LRRC8C: variants seen among roughly 807,000 people sequenced by gnomAD.
The protein encoded by LRRC8C is volume-regulated anion channel subunit LRRC8C.
Under a neutral mutation model 55.3 loss-of-function variants are expected in LRRC8C, and 20 were observed. The observed-to-expected ratio is 0.36, with a 90% CI of 0.25 to 0.53. LRRC8C has a LOEUF of 0.53. Among genes scored for constraint, LRRC8C ranks in the 20% least tolerant of loss-of-function variants. LRRC8C has a pLI of 0.92. For missense variants in LRRC8C, 659 were observed against 951.4 expected (o/e 0.69, Z 4.04); for synonymous variants, 376 against 360.7 (o/e 1.04, Z -0.48).
At chr1:89,623,924 T>C in the LRRC8C span, among the ~76,000 whole-genome samples, 1 of 152,192 alleles carries the variant, frequency 6.6e-6, no homozygotes, top group African/African-American at 2.4e-5. Context: ...GAAACTAAAA[T>C]ACTAGCCTGC....
chr1:89,709,610 A>C (rs775730847), intron 2 of LRRC8C, among the ~76,000 whole-genome samples: 1 of 152,080 alleles, frequency 6.6e-6, no homozygotes, highest in African/African-American at 2.4e-5. Context: ...GGGGTACAGA[A>C]ATGGGGCCCA....
chr1:89,712,156 A>G (rs1389213065), intron 2 of LRRC8C, among the ~76,000 whole-genome samples: 1 of 152,132 alleles, frequency 6.6e-6, no homozygotes, highest in Non-Finnish European at 1.5e-5. Context: ...CTTGTCGCCC[A>G]TGTTGGAGTG....
In LRRC8C at chr1:89,718,890, C is replaced by G. The variant is rs1251157571; in HGVS notation, c.*3908C>G. ...GTTCTTAGCAGACTGCTTAAAAGATCAAGAAAATTTTCTCATCTTTTCTTT... is the reference window on the plus strand; with the variant it reads ...GTTCTTAGCAGACTGCTTAAAAGATGAAGAAAATTTTCTCATCTTTTCTTT... On this transcript the variant is annotated 3_prime_UTR_variant, in exon 3 of 3. Coordinates refer to ENST00000370454, the MANE Select transcript of LRRC8C (RefSeq NM_032270.5). 6.6e-6 allele frequency: 1 copy of G among 152,122 alleles called. No homozygotes were observed. Among genetic ancestry groups the G allele is most frequent in the Non-Finnish European group, 1.5e-5 (1 of 67,998 alleles). The allele number at this position is 152,122 out of a possible 1,614,324, so 9.4% of individuals were successfully genotyped here. A position where few individuals can be genotyped will look rare whatever the true frequency, so the allele number is the denominator to read the frequency against.
intron 1 of LRRC8C, among the ~76,000 whole-genome samples, chr1:89,680,493 G>A (rs570379198): frequency 6.7e-6 from 1 of 149,356 alleles, no homozygotes; most frequent in Admixed American, 6.7e-5. Context: ...TCTGGAGATG[G>A]CCACAGGATA....
chr1:89,658,578 A>G lies in LRRC8C; in HGVS notation c.-5+25256A>G, dbSNP rs531428693. 7.2e-5 allele frequency among the ~76,000 whole-genome samples: 11 copies of G among 152,314 alleles called. No homozygotes were observed. The East Asian group carries it at 1.9e-3, about 27-fold the overall frequency. On this transcript the variant is annotated intron_variant, in intron 1 of 2. Transcript: ENST00000370454. ...TCATTTTAAGGAAGATTATACCTAA[A>G]TACCATTTCTATTTTTATATCAGGA...
At chr1:89,649,094 G>A (rs1356739165) in intron 1 of LRRC8C, among the ~76,000 whole-genome samples, 1 of 152,028 alleles carries the variant, frequency 6.6e-6, no homozygotes, top group East Asian at 1.9e-4. Context: ...ATTCCCCTAG[G>A]AATAGAATTT....
At chr1:89,669,278 G>A (rs1657353669) in intron 1 of LRRC8C, among the ~76,000 whole-genome samples, 1 of 152,022 alleles carries the variant, frequency 6.6e-6, no homozygotes, top group Admixed American at 6.6e-5. Context: ...GGGGCTGGGG[G>A]GAGGGGAAAT....
intron 1 of LRRC8C, among the ~76,000 whole-genome samples, chr1:89,658,028 A>G (rs554434021): frequency 2.0e-5 from 3 of 152,300 alleles, no homozygotes; most frequent in South Asian, 2.1e-4. Context: ...GAAATATACC[A>G]TGCTTTCAAA....
chr1:89,625,434 G>T, the LRRC8C span, among the ~76,000 whole-genome samples: 1 of 152,080 alleles, frequency 6.6e-6, no homozygotes, highest in Non-Finnish European at 1.5e-5. Context: ...CAGCAAAAGT[G>T]CCATTAATAC....
At chr1:89,677,457 C>T (rs1657582955) in intron 1 of LRRC8C, among the ~76,000 whole-genome samples, 1 of 152,068 alleles carries the variant, frequency 6.6e-6, no homozygotes, top group Admixed American at 6.5e-5. Context: ...AAATAAGAAA[C>T]ATGAAAAGAG....
At chr1:89,633,681 G>A (rs1656199978) in intron 1 of LRRC8C, among the ~76,000 whole-genome samples, 1 of 152,188 alleles carries the variant, frequency 6.6e-6, no homozygotes, top group African/African-American at 2.4e-5. Context: ...CGGGGCGATC[G>A]TTGTTCTTTC....
intron 1 of LRRC8C, among the ~76,000 whole-genome samples, chr1:89,679,966 T>C (rs1196860202): frequency 2.0e-5 from 3 of 152,184 alleles, no homozygotes; most frequent in African/African-American, 7.2e-5. Flanking sequence ...ATATTAATTC[T>C]AGGCAAGAAA....
intron 1 of LRRC8C, among the ~76,000 whole-genome samples, chr1:89,638,543 A>G (rs987598752): frequency 4.6e-5 from 7 of 152,210 alleles, no homozygotes; most frequent in African/African-American, 1.7e-4. Flanking sequence ...CAAAAGTGCC[A>G]TATAAAACTT....
At chr1:89,673,400 A>G (rs1188160598) in intron 1 of LRRC8C, among the ~76,000 whole-genome samples, 1 of 152,190 alleles carries the variant, frequency 6.6e-6, no homozygotes, top group African/African-American at 2.4e-5. Flanking sequence ...CAAGGTCTAG[A>G]TATCTTTGAG....
rs754614457 is a variant in LRRC8C, at chr1:89,713,250, C to T, written c.680C>T (p.Ala227Val). 2 of 1,614,164 alleles carry T rather than the reference C, an allele frequency of 1.2e-6. No individual in the cohort carries two copies. Among genetic ancestry groups the T allele is most frequent in the Admixed American group, 3.3e-5 (2 of 60,018 alleles). ...AAGTTTGTAGTTGATAAATCCACTG[C>T]AGGGGCTCTGGATAAAAAGGAAGGT... Reference protein sequence around the residue: ...PEKFVVDKSTAGALDKKEGEQ... With the variant: ...PEKFVVDKSTVGALDKKEGEQ... The change falls in exon 3 of 3, where the codon GCA (alanine) becomes GTA (valine). Residue 227 changes from alanine to valine, a missense_variant. This residue lies in a region of LRRC8C where 200 missense variants were observed against 360.5 expected (regional missense o/e 0.55). Transcript: ENST00000370454. This position sits in a 1 kb window ranked among gnomAD's most constrained non-coding sequence, Gnocchi z 5.2.
chr1:89,712,809 C>T lies in LRRC8C; in HGVS notation c.239C>T (p.Pro80Leu), dbSNP rs774499623. The T allele has an allele frequency of 4.3e-6, 7 of 1,614,168 alleles. No homozygotes were observed. Among genetic ancestry groups the T allele is most frequent in the African/African-American group, 2.7e-5 (2 of 75,030 alleles). Residue 80 changes from proline (P) to leucine (L), a missense_variant, in exon 3 of 3, where the codon CCA (proline) becomes CTA (leucine). Pro to Leu is a moderately conservative substitution (Grantham distance 98). Around this residue, in one of 5 missense-constraint regions of LRRC8C, gnomAD observed 82 missense variants for 71.4 expected, o/e 1.15. Coordinates refer to ENST00000370454, the MANE Select transcript of LRRC8C (RefSeq NM_032270.5). The part of the protein sequence containing the change: ...NVSQAVASTT[P>L]LPPPKPSPAN... ...TCTCAAGCAGTTGCCAGTACCACTC[C>T]ACTGCCTCCACCTAAACCATCTCCT...
chr1:89,647,941 T>G (rs1232203657), intron 1 of LRRC8C, among the ~76,000 whole-genome samples: 2 of 152,184 alleles, frequency 1.3e-5, no homozygotes, highest in Non-Finnish European at 2.9e-5. Context: ...TGGTGGCTCA[T>G]GCCTATGGTT....
At chr1:89,659,057 TTTTTTGTGTGTGTG>T (rs748558094) in intron 1 of LRRC8C, among the ~76,000 whole-genome samples, 10,878 of 81,620 alleles carry the variant, frequency 0.13, 857 homozygotes, top group East Asian at 0.33. Flanking sequence ...GGTTTTTTTT[TTTTTTGTGTGTGTG>T]TGTGTGTGTG....
At chr1:89,672,014 G>T (rs1657430088) in intron 1 of LRRC8C, among the ~76,000 whole-genome samples, 1 of 152,140 alleles carries the variant, frequency 6.6e-6, no homozygotes, top group East Asian at 1.9e-4. Context: ...TGTCTCTACA[G>T]ATAGAAAATG....
Sources: gnomAD v4.1 joint callset for allele counts (sites outside exome capture counted in the v4.1 genomes callset) on GRCh38, gnomAD v4.1.1 for gene constraint, gnomAD v4.1.1 regional missense constraint, Gnocchi (gnomAD v3.1) non-coding constraint, MANE v1.5 for transcripts, NCBI Gene and HGNC (gene_info 2026-07-23, HGNC 2026-07-21) for gene names.